Variants in MYH1 observed in about 807,000 individuals in gnomAD.
MYH1 encodes the protein myosin-1.
MYH1 carries 214 observed loss-of-function variants against 225.6 expected under a neutral mutation model. The ratio of observed to expected loss-of-function variants is 0.95; its 90% CI spans 0.85 to 1.06. MYH1 has a LOEUF of 1.06. Ranked by LOEUF, MYH1 falls within the 50% of genes least tolerant of loss-of-function variation. MYH1 has a pLI of 0.00. For synonymous variants in MYH1, 774 were observed against 842.3 expected, an observed-to-expected ratio of 0.92 and a Z score of 1.40; for missense variants, 2,098 against 2,344.2, an observed-to-expected ratio of 0.89 and a Z score of 2.17.
chr17:10,496,974 A>G, intron 33 of MYH1, 95 bp downstream of exon 33: 1 of 1,511,652 alleles, frequency 6.6e-7, no homozygotes, highest in Non-Finnish European at 8.9e-7. Flanking sequence ...ATGGAGCAAA[A>G]ATTATTTTTC....
intron 35 of MYH1, 151 bp downstream of exon 35, chr17:10,495,799 A>C: frequency 1.5e-6 from 1 of 673,200 alleles, no homozygotes; most frequent in South Asian, 2.6e-5. Context: ...GTTATAGTTC[A>C]GATAAGAATA....
intron 9 of MYH1, 62 bp from the exon 10 acceptor site, chr17:10,513,027 G>C: frequency 8.9e-7 from 1 of 1,126,700 alleles, no homozygotes; most frequent in Non-Finnish European, 1.3e-6. Flanking sequence ...GGAGTGATTT[G>C]AGGACTTGGG....
chr17:10,506,807 C>T lies in MYH1; in HGVS notation c.1969-708G>A, dbSNP rs571750913. 5.3e-5 allele frequency among the ~76,000 whole-genome samples: 8 copies of T among 152,254 alleles called. No individual in the cohort carries two copies. The East Asian group carries it at 1.6e-3, about 30-fold the overall frequency. ...GGTGCCCAGTCACACTCACTTCTTT[C>T]TTTACCTGACTTTCACTTGTATCTG... is the stretch of plus-strand genomic sequence containing the variant. On this transcript the variant is annotated intron_variant, in intron 17 of 39. Transcript: ENST00000226207.
intron 39 of MYH1, among the ~76,000 whole-genome samples, chr17:10,493,332 C>A (rs898347868): frequency 1.3e-5 from 2 of 152,122 alleles, no homozygotes; most frequent in African/African-American, 4.8e-5. Context: ...TGTTTGTTTT[C>A]TCTCCCTCCC....
chr17:10,512,952 C>CA lies in MYH1; in HGVS notation c.818_819insT (p.Lys273AsnfsTer3). On this transcript the variant is annotated frameshift_variant, in exon 10 of 40. Coordinates refer to ENST00000226207, the MANE Select transcript of MYH1 (RefSeq NM_005963.4). LOFTEE classifies it high-confidence loss of function. ...CCTTTAGCTGGAAAGTAACTCTAGA[C>CA]TTCTCCAGAAGATCTGCAACGGATA... The CA allele has an allele frequency of 6.2e-7, 1 of 1,611,728 alleles. No individual in the cohort carries two copies. The highest frequency in any genetic ancestry group is 8.5e-7 in the Non-Finnish European group (1 of 1,178,198).
Position 10,501,508 on chromosome 17 carries a change from G to A in MYH1, c.3349-9C>T. The A allele has an allele frequency of 3.1e-6, 5 of 1,614,182 alleles. No homozygotes were observed. Among genetic ancestry groups the A allele is most frequent in the Non-Finnish European group, 4.2e-6 (5 of 1,180,038 alleles). On this transcript the variant is annotated splice_polypyrimidine_tract_variant and intron_variant, in intron 26 of 39. Transcript: ENST00000226207. ...AGCTCCTCAATGCGGGCCTGGGAATGGTGAAAAATATTAATACGAACTCAA... is the reference window on the plus strand; with the variant it reads ...AGCTCCTCAATGCGGGCCTGGGAATAGTGAAAAATATTAATACGAACTCAA...
intron 9 of MYH1, 48 bp from the exon 10 acceptor site, chr17:10,513,013 T>C (rs767102882): frequency 1.4e-5 from 19 of 1,315,074 alleles, no homozygotes; most frequent in Non-Finnish European, 1.9e-5. Context: ...TTACACAATG[T>C]CCTGGAGTGA....
Position 10,504,791 on chromosome 17 carries a change from A to G in MYH1, c.2691+19T>C. On this transcript the variant is annotated intron_variant, in intron 22 of 39. Transcript: ENST00000226207. ...AAGTTTTAGCATCAGATTGCAGGAA[A>G]TGACTTCGGGATACTCACAGCTTGA... 1 of 1,612,578 alleles carries G rather than the reference A, an allele frequency of 6.2e-7. No individual in the cohort carries two copies. Among genetic ancestry groups the G allele is most frequent in the Non-Finnish European group, 8.5e-7 (1 of 1,179,352 alleles).
chr17:10,501,730 A>G lies in MYH1; in HGVS notation c.3257+36T>C, dbSNP rs185253493. ...GTCAGTCTCAGAAATATTAAGAGTA[A>G]TTTCCCCACAAAACTGTTGACCTAA... On this transcript the variant is annotated intron_variant, in intron 25 of 39. Coordinates refer to ENST00000226207, the MANE Select transcript of MYH1 (RefSeq NM_005963.4). The G allele has an allele frequency of 1.3e-4, 205 of 1,613,966 alleles. No individual in the cohort carries two copies. The African/African-American group carries it at 2.4e-3, about 19-fold the overall frequency.
chr17:10,501,690 A>G lies in MYH1; in HGVS notation c.3258-6T>C. ...CGCTCATTTCAAACTCTTTCCTATT[A>G]GAAAAGCCCTTTATGTCAGTCTCAG... On this transcript the variant is annotated splice_polypyrimidine_tract_variant and splice_region_variant and intron_variant, in intron 25 of 39. Transcript: ENST00000226207. The G allele has an allele frequency of 6.2e-7, 1 of 1,614,204 alleles. No homozygotes were observed. Among genetic ancestry groups the G allele is most frequent in the Non-Finnish European group, 8.5e-7 (1 of 1,180,030 alleles).
At chr17:10,507,155 C>G (rs2073121021) in intron 17 of MYH1, among the ~76,000 whole-genome samples, 1 of 152,112 alleles carries the variant, frequency 6.6e-6, no homozygotes, top group South Asian at 2.1e-4. Flanking sequence ...CCTCTGCCTC[C>G]TGGGTTCAAG....
chr17:10,501,353 A>G lies in MYH1; in HGVS notation c.3495T>C (p.Ile1165=). Residue 1165 remains isoleucine (I), a synonymous_variant, in exon 27 of 40, where the codon ATT becomes ATC. Coordinates refer to ENST00000226207, the MANE Select transcript of MYH1 (RefSeq NM_005963.4). ...EEAGGATSAQ[I]EMNKKREAEF... ...CAGCCTCCCGCTTCTTGTTCATCTCAATCTGGGCTGAGGTGGCCCCACCGG... is the reference window on the plus strand; with the variant it reads ...CAGCCTCCCGCTTCTTGTTCATCTCGATCTGGGCTGAGGTGGCCCCACCGG... The G allele has an allele frequency of 6.2e-7, 1 of 1,613,908 alleles. No individual in the cohort carries two copies. The highest frequency in any genetic ancestry group is 8.5e-7 in the Non-Finnish European group (1 of 1,180,004).
chr17:10,513,559 T>C lies in MYH1; in HGVS notation c.805+67A>G, dbSNP rs1157202567. ...TACAAGCTCCATGTTCAGCAGGAGC[T>C]GCAAAGTGTTCCTCCAAACCAATAT... is the stretch of plus-strand genomic sequence containing the variant. On this transcript the variant is annotated intron_variant, in intron 9 of 39. Coordinates refer to ENST00000226207, the MANE Select transcript of MYH1 (RefSeq NM_005963.4). The C allele has an allele frequency of 4.8e-6, 7 of 1,466,608 alleles. No homozygotes were observed. In the South Asian group the frequency reaches 6.8e-5, roughly 14 times the overall value. 90.8% of individuals were successfully genotyped at this position (1,466,608 alleles called of 1,614,324 possible). A position where few individuals can be genotyped will look rare whatever the true frequency, so the allele number is the denominator to read the frequency against.
intron 28 of MYH1, among the ~76,000 whole-genome samples, chr17:10,499,336 A>G (rs953767649): frequency 2.0e-4 from 30 of 152,224 alleles, no homozygotes; most frequent in African/African-American, 7.2e-4. Flanking sequence ...ATTTACGATT[A>G]TTTGATCGTA....
intron 22 of MYH1, among the ~76,000 whole-genome samples, chr17:10,503,842 TA>T (rs2073081711): frequency 6.6e-6 from 1 of 152,264 alleles, no homozygotes; most frequent in Non-Finnish European, 1.5e-5. Context: ...AGAATATTGT[TA>T]AACAGAAGTT....
At chr17:10,502,664 T>C in intron 24 of MYH1, 74 bp downstream of exon 24, 1 of 1,607,520 alleles carries the variant, frequency 6.2e-7, no homozygotes, top group South Asian at 1.1e-5. Flanking sequence ...CACTATATCA[T>C]AACGACACAA....
intron 17 of MYH1, 62 bp from the exon 18 acceptor site, chr17:10,506,161 G>C (rs984302199): frequency 6.3e-7 from 1 of 1,587,710 alleles, no homozygotes; most frequent in Non-Finnish European, 8.6e-7. Context: ...CATATTTATA[G>C]ACATAATTAT....
intron 22 of MYH1, 121 bp from the exon 23 acceptor site, chr17:10,503,369 CT>C (rs1161148675): frequency 7.3e-7 from 1 of 1,370,926 alleles, no homozygotes; most frequent in African/African-American, 1.5e-5. Flanking sequence ...TTTTTATTAG[CT>C]TTCTACCATT....
At position 10,498,796 on chromosome 17, in the gene MYH1, C is replaced by A. The variant is rs780766674; in HGVS notation, c.4011G>T (p.Leu1337=). The A allele has an allele frequency of 3.7e-6, 6 of 1,614,086 alleles. No homozygotes were observed. The East Asian group carries it at 1.3e-4, about 36-fold the overall frequency. The change falls in exon 30 of 40, where the codon CTG becomes CTT. Residue 1337 remains leucine, a synonymous_variant. Transcript: ENST00000226207. The stretch of plus-strand genomic sequence containing the variant: ...GGTCACAGTCATGGCGGGAGGACTG[C>A]AGGGCATGTGCCAGGGCACTCTTGG... The part of the protein sequence containing the change: ...IKAKSALAHA[L]QSSRHDCDLL...
Sources: allele counts gnomAD v4.1 joint callset (sites outside exome capture counted in the v4.1 genomes callset), GRCh38; gene constraint gnomAD v4.1.1; transcripts MANE v1.5; gene names NCBI Gene and HGNC (gene_info 2026-07-23, HGNC 2026-07-21).